The following BSCL2 variants were observed in gnomAD, a reference collection of about 807,000 sequenced individuals.
BSCL2 encodes the protein BSCL2 lipid droplet biogenesis associated, seipin.
In BSCL2, 41 loss-of-function variants were observed where a neutral mutation model predicts 57.4. The observed-to-expected ratio is 0.71, with a 90% CI of 0.56 to 0.93. The LOEUF is 0.93. Among genes scored for constraint, BSCL2 ranks in the 40% least tolerant of loss-of-function variants. The pLI is 0.00. For synonymous variants in BSCL2, 237 were observed against 227.3 expected (o/e 1.04, Z -0.38); for missense variants, 539 against 586.7 (o/e 0.92, Z 0.84).
Position 62,692,693 on chromosome 11 carries a change from C to T in BSCL2, c.735G>A (p.Val245=), listed in dbSNP as rs1479802364. 4 of 1,614,128 alleles carry T rather than the reference C, an allele frequency of 2.5e-6. No individual in the cohort carries two copies. In the South Asian group the frequency reaches 4.4e-5, roughly 18 times the overall value. ...GFAEQKQLLE[V]ELYADYRENS... Reference sequence around the variant, plus strand: ...TCTCTCTATAGTCTGCGTAGAGTTCCACCTCCAGCAGCTGCTTCTGCTCTG... The same window carrying T: ...TCTCTCTATAGTCTGCGTAGAGTTCTACCTCCAGCAGCTGCTTCTGCTCTG... The change falls in exon 5 of 11, where the codon GTG becomes GTA. Residue 245 remains valine, a synonymous_variant. Transcript: ENST00000360796.
At chr11:62,690,274 A>G (rs1222385132), downstream of BSCL2, 3 of 1,571,138 alleles carry the variant, frequency 1.9e-6, no homozygotes, top group Admixed American at 5.0e-5. Context: ...GAGTCAAGGA[A>G]GAAGCTGACA....
chr11:62,696,651 G>T lies in BSCL2; in HGVS notation c.487-1940C>A, dbSNP rs561223889. On this transcript the variant is annotated intron_variant, in intron 3 of 10. Coordinates refer to ENST00000360796, the MANE Select transcript of BSCL2 (RefSeq NM_001122955.4). ...AGCTCACTGGCAGCCTCAACCTCCT[G>T]GGCTCAGTTGATCTTCCTGTCTCAG... Among the ~76,000 whole-genome samples the T allele has an allele frequency of 2.6e-5, 4 of 152,020 alleles. No homozygotes were observed. The South Asian group carries it at 8.3e-4, about 32-fold the overall frequency.
upstream of BSCL2, chr11:62,708,788 C>T (rs1421453142): frequency 2.5e-6 from 4 of 1,613,742 alleles, no homozygotes; most frequent in Admixed American, 1.7e-5. Context: ...AGAAGAAGTT[C>T]TTCTGTGCTC....
chr11:62,694,775 C>T (rs1395753691), intron 3 of BSCL2, 64 bp from the exon 4 acceptor site: 2 of 1,556,278 alleles, frequency 1.3e-6, no homozygotes, highest in Non-Finnish European at 1.7e-6. Flanking sequence ...TGTCTCTATT[C>T]CACCTCCCTC....
chr11:62,694,859 T>G (rs946557886), intron 3 of BSCL2, 148 bp from the exon 4 acceptor site: 10 of 973,014 alleles, frequency 1.0e-5, no homozygotes, highest in Admixed American at 6.1e-5. Context: ...CAATCTGTCA[T>G]CCCAAGAAGG....
chr11:62,708,176 G>A (rs1590888495), upstream of BSCL2: 1 of 740,314 alleles, frequency 1.4e-6, no homozygotes, highest in Non-Finnish European at 2.5e-6. Flanking sequence ...GGAGGAGGAG[G>A]ATAGGAGGGG....
intron 1 of BSCL2, chr11:62,705,893 G>C (rs1384920734): frequency 2.1e-6 from 1 of 466,016 alleles, no homozygotes; most frequent in Non-Finnish European, 3.8e-6. Context: ...CTCATTCACA[G>C]CTATATAACA....
intron 3 of BSCL2, among the ~76,000 whole-genome samples, chr11:62,695,614 G>A (rs908622736): frequency 6.6e-6 from 1 of 150,626 alleles, no homozygotes; most frequent in Non-Finnish European, 1.5e-5. Flanking sequence ...AGGAGGCTGA[G>A]GCAGGAGAAT....
At chr11:62,696,461 T>A (rs1404848357) in intron 3 of BSCL2, among the ~76,000 whole-genome samples, 1 of 120,258 alleles carries the variant, frequency 8.3e-6, no homozygotes, top group Admixed American at 1.1e-4. Flanking sequence ...TGCAACCACA[T>A]GCAACTAAAA....
chr11:62,700,503 T>A (rs1945604997), intron 3 of BSCL2, among the ~76,000 whole-genome samples: 1 of 151,928 alleles, frequency 6.6e-6, no homozygotes, highest in South Asian at 2.1e-4. Flanking sequence ...CAGCTAGGTA[T>A]GGTGGCATAC....
intron 2 of BSCL2, among the ~76,000 whole-genome samples, chr11:62,703,087 T>C (rs962798401): frequency 2.6e-5 from 4 of 150,976 alleles, no homozygotes; most frequent in African/African-American, 9.8e-5. Flanking sequence ...GAGGCAGAGG[T>C]TGTGGTGAGC....
upstream of BSCL2, chr11:62,708,936 T>C: frequency 1.3e-6 from 1 of 746,730 alleles, no homozygotes; most frequent in Middle Eastern, 2.5e-4. Context: ...TGTGAGGTTA[T>C]CTGAAGCACA....
chr11:62,696,637 A>C (rs1379441140), intron 3 of BSCL2, among the ~76,000 whole-genome samples: 2 of 152,020 alleles, frequency 1.3e-5, no homozygotes, highest in African/African-American at 4.8e-5. Flanking sequence ...GCTCACTGGC[A>C]GCCTCAACCT....
chr11:62,702,881 C>T (rs1945686316), intron 2 of BSCL2, among the ~76,000 whole-genome samples: 1 of 151,704 alleles, frequency 6.6e-6, no homozygotes, highest in South Asian at 2.1e-4. Flanking sequence ...CAAGCAGCAG[C>T]GGCTCACGCC....
At chr11:62,694,772 A>G (rs1430303383) in intron 3 of BSCL2, 61 bp from the exon 4 acceptor site, 2 of 1,565,180 alleles carry the variant, frequency 1.3e-6, no homozygotes, top group African/African-American at 2.7e-5. Context: ...TACTGTCTCT[A>G]TTCCACCTCC....
chr11:62,694,564 T>C lies in BSCL2; in HGVS notation c.630+4A>G, dbSNP rs1945400113. ...ACCTTCTCAGACAGGCCACCAACAC[T>C]TACCGAACGCGAAGAAGTGGAGATG... On this transcript the variant is annotated splice_donor_region_variant and intron_variant, in intron 4 of 10. Coordinates refer to ENST00000360796, the MANE Select transcript of BSCL2 (RefSeq NM_001122955.4). The C allele has an allele frequency of 6.2e-7, 1 of 1,613,718 alleles. No homozygotes were observed. The highest frequency in any genetic ancestry group is 1.3e-5 in the African/African-American group (1 of 74,814).
At position 62,707,133 on chromosome 11, in the gene BSCL2, C is replaced by G. The variant is rs1307195809; in HGVS notation, c.63G>C (p.Gln21His). The change falls in exon 1 of 11, where the codon CAG becomes CAC. Residue 21 changes from glutamine to histidine, a missense_variant. This residue lies in a region of BSCL2 where 218 missense variants were observed against 224.8 expected (regional missense o/e 0.97). Coordinates refer to ENST00000360796, the MANE Select transcript of BSCL2 (RefSeq NM_001122955.4). ...CCTCCTCTTTGTCCGGTCCTTTGAT[C>G]TGGTCTCCGCACACCTCTTTTTCCC... ...EAGEKEVCGD[Q>H]IKGPDKEEEP... 2 of 1,554,570 alleles carry G rather than the reference C, an allele frequency of 1.3e-6. No individual in the cohort carries two copies. Among genetic ancestry groups the G allele is most frequent in the East Asian group, 2.4e-5 (1 of 41,708 alleles).
intron 1 of BSCL2, chr11:62,706,138 G>A (rs868448911): frequency 3.2e-6 from 3 of 930,718 alleles, no homozygotes; most frequent in Non-Finnish European, 2.6e-6. Flanking sequence ...GCGCCCTGCA[G>A]CCAACCGCCG....
At chr11:62,692,525 A>T (rs1026942330) in intron 5 of BSCL2, 52 bp from the exon 6 acceptor site, 1 of 1,609,656 alleles carries the variant, frequency 6.2e-7, no homozygotes, top group African/African-American at 1.3e-5. Context: ...TGCCGCTAGC[A>T]CTCTTACCCG....
Sources: allele counts gnomAD v4.1 joint callset (sites outside exome capture counted in the v4.1 genomes callset), GRCh38; gene constraint gnomAD v4.1.1; regional missense constraint gnomAD v4.1.1; transcripts MANE v1.5; gene names NCBI Gene and HGNC (gene_info 2026-07-23, HGNC 2026-07-21).